The following DPP6 variants were observed in gnomAD, a reference collection of about 807,000 sequenced individuals.
DPP6 encodes the protein dipeptidyl peptidase like 6.
DPP6 carries 69 observed loss-of-function variants against 122.6 expected under a neutral mutation model. The ratio of observed to expected loss-of-function variants is 0.56; its 90% confidence interval spans 0.46 to 0.69. The LOEUF is 0.69. DPP6 is among the 30% of genes least tolerant of loss of function. The probability of loss-of-function intolerance (pLI) is 0.00; values close to 1 mark genes in which losing one functional copy is unlikely to be tolerated. For synonymous variants in DPP6, 418 were observed against 433.1 expected (o/e 0.97, Z 0.43); for missense variants, 928 against 1,116.9 (o/e 0.83, Z 2.41).
intron 8 of DPP6, among the ~76,000 whole-genome samples, chr7:154,731,972 G>A (rs764246361): frequency 6.6e-6 from 1 of 151,994 alleles, no homozygotes; most frequent in African/African-American, 2.4e-5. Flanking sequence ...CTTTGTTACC[G>A]CCATTACATG....
At chr7:154,381,076 G>A (rs1164853513) in intron 1 of DPP6, among the ~76,000 whole-genome samples, 2 of 152,118 alleles carry the variant, frequency 1.3e-5, no homozygotes, top group African/African-American at 4.8e-5. Context: ...CCATGAGGGG[G>A]ATCCTGGTGC....
the DPP6 span, among the ~76,000 whole-genome samples, chr7:153,867,766 A>G: frequency 2.6e-5 from 4 of 152,182 alleles, no homozygotes; most frequent in Non-Finnish European, 5.9e-5. Context: ...TTGTCCATTC[A>G]GTATGATATT....
chr7:153,854,400 A>G, the DPP6 span, among the ~76,000 whole-genome samples: 1 of 151,282 alleles, frequency 6.6e-6, no homozygotes, highest in African/African-American at 2.5e-5. Flanking sequence ...AGAAAAAAAC[A>G]AACAACCCCA....
intron 1 of DPP6, among the ~76,000 whole-genome samples, chr7:154,247,848 G>A (rs781277058): frequency 2.3e-4 from 35 of 152,120 alleles, no homozygotes; most frequent in Non-Finnish European, 4.3e-4. Flanking sequence ...CTAGAAAGAA[G>A]CCAGGTATCT....
intron 16 of DPP6, among the ~76,000 whole-genome samples, chr7:154,814,722 T>G (rs1279197459): frequency 4.6e-5 from 7 of 152,216 alleles, no homozygotes; most frequent in South Asian, 2.1e-4. Flanking sequence ...TGGTTTCTCT[T>G]GGAGGCTGTG....
chr7:154,643,201 C>T (rs1836218006), intron 6 of DPP6, among the ~76,000 whole-genome samples: 1 of 152,090 alleles, frequency 6.6e-6, no homozygotes, highest in Non-Finnish European at 1.5e-5. Context: ...AAAGAAGTAT[C>T]TATGGCCTCA....
chr7:154,453,131 G>A (rs913623028), intron 2 of DPP6, among the ~76,000 whole-genome samples: 4 of 152,184 alleles, frequency 2.6e-5, no homozygotes, highest in Admixed American at 6.6e-5. Flanking sequence ...AATCGCTGAC[G>A]TGGGGGTCGG....
chr7:154,139,687 G>A (rs1285746338), intron 1 of DPP6, among the ~76,000 whole-genome samples: 2 of 151,878 alleles, frequency 1.3e-5, no homozygotes, highest in African/African-American at 4.8e-5. Context: ...AGCCTAAGAA[G>A]TCCGGTGAAA....
intron 16 of DPP6, among the ~76,000 whole-genome samples, chr7:154,839,326 C>A (rs1312993561): frequency 1.3e-5 from 2 of 152,218 alleles, no homozygotes; most frequent in African/African-American, 4.8e-5. Flanking sequence ...CAACACTGAA[C>A]ACTCAGGTTT....
intron 1 of DPP6, among the ~76,000 whole-genome samples, chr7:153,951,349 C>G (rs557704169): frequency 6.6e-6 from 1 of 152,182 alleles, no homozygotes; most frequent in African/African-American, 2.4e-5. Context: ...TGACCTGCTC[C>G]TGTTTCAGCT....
rs557107236 is a variant in DPP6 at position 154,321,277 on chromosome 7, TA to T, written c.244-124924del. 3.8e-3 allele frequency among the ~76,000 whole-genome samples: 526 copies of T among 140,140 alleles called. 2 individuals are homozygous for T. Among genetic ancestry groups the T allele is most frequent in the Middle Eastern group, 7.3e-3 (2 of 274 alleles). 91.9% of individuals were successfully genotyped at this position (140,140 alleles called of 152,430 possible). ...AGGTGACAGAGCCAGACCCTGTCTT[TA>T]AAAAAAAAAAAAGAAAAAATGCTAT... On this transcript the variant is annotated intron_variant, in intron 1 of 25. Coordinates refer to ENST00000377770, the MANE Select transcript of DPP6 (RefSeq NM_130797.4).
intron 8 of DPP6, among the ~76,000 whole-genome samples, chr7:154,732,555 C>T (rs2131380680): frequency 6.6e-6 from 1 of 152,158 alleles, no homozygotes; most frequent in Admixed American, 6.5e-5. Context: ...AGATCTTATC[C>T]CCTCAAAGGG....
intron 5 of DPP6, among the ~76,000 whole-genome samples, chr7:154,617,942 AG>A (rs912894953): frequency 3.3e-5 from 5 of 151,982 alleles, no homozygotes; most frequent in Admixed American, 2.0e-4. Context: ...TCATTAAAGA[AG>A]GGAGAGGGAC....
chr7:154,555,055 A>C (rs1331051066), intron 4 of DPP6, among the ~76,000 whole-genome samples: 1 of 152,160 alleles, frequency 6.6e-6, no homozygotes, highest in Non-Finnish European at 1.5e-5. Context: ...AACCATTCTA[A>C]ATGACAAACA....
intron 1 of DPP6, among the ~76,000 whole-genome samples, chr7:153,905,764 T>C (rs1799824404): frequency 6.6e-6 from 1 of 152,132 alleles, no homozygotes; most frequent in Admixed American, 6.6e-5. Flanking sequence ...TGACTAGGTG[T>C]AAGGATGTGC....
At chr7:154,830,143 A>G (rs6597427) in intron 16 of DPP6, among the ~76,000 whole-genome samples, 4,338 of 152,272 alleles carry the variant, frequency 0.028, 197 homozygotes, top group African/African-American at 0.098. Flanking sequence ...TCTTCCAGCT[A>G]TGCCTTTGAA....
chr7:154,216,569 C>G (rs1426593856), intron 1 of DPP6, among the ~76,000 whole-genome samples: 1 of 152,184 alleles, frequency 6.6e-6, no homozygotes, highest in Non-Finnish European at 1.5e-5. Context: ...TACAAATCCA[C>G]CTTCATCCAT....
intron 5 of DPP6, chr7:154,587,177 G>A (rs117266428): frequency 0.01 from 1,752 of 170,984 alleles, 14 homozygotes; most frequent in Non-Finnish European, 0.015. Context: ...GTCAGTGAAC[G>A]CATGTCAGCT....
At position 154,711,947 on chromosome 7, in the gene DPP6, C is replaced by CACACACACACA. The variant is rs760917135; in HGVS notation, c.763-15819_763-15809dup. Among the ~76,000 whole-genome samples the CACACACACACA allele has an allele frequency of 1.8e-3, 269 of 149,724 alleles. 1 individual carries two copies. The highest frequency in any genetic ancestry group is 5.2e-3 in the African/African-American group (210 of 40,750). On this transcript the variant is annotated intron_variant, in intron 7 of 25. Transcript: ENST00000377770. ...TGTAAATTGTCACTTAATACACACA[C>CACACACACACA]ACACACACACACACACACTCTTCTT...
Sources: gnomAD v4.1 joint callset for allele counts (sites outside exome capture counted in the v4.1 genomes callset) on GRCh38, gnomAD v4.1.1 for gene constraint, MANE v1.5 for transcripts, NCBI Gene and HGNC (gene_info 2026-07-23, HGNC 2026-07-21) for gene names.